ATP9A: variants seen among roughly 807,000 people sequenced by gnomAD.
The protein encoded by ATP9A is probable phospholipid-transporting ATPase IIA.
In ATP9A, 52 loss-of-function variants were observed where a neutral mutation model predicts 144.1. The observed-to-expected ratio is 0.36, with a 90% confidence interval of 0.29 to 0.45. ATP9A has a LOEUF of 0.45. Among genes scored for constraint, ATP9A ranks in the 20% least tolerant of loss-of-function variants. The probability of loss-of-function intolerance (pLI) is 1.00; values close to 1 mark genes in which losing one functional copy is unlikely to be tolerated. For synonymous variants in ATP9A, 582 were observed against 557.4 expected (o/e 1.04, Z -0.62); for missense variants, 947 against 1,392.7 (o/e 0.68, Z 5.09).
chr20:51,694,182 C>A, intron 6 of ATP9A, 80 bp from the exon 7 acceptor site: 2 of 1,144,936 alleles, frequency 1.7e-6, no homozygotes, highest in South Asian at 2.7e-5. Flanking sequence ...CTGCTCTGGT[C>A]CTTGTAAAAA....
At position 51,635,810 on chromosome 20, in the gene ATP9A, A is replaced by G. The variant is rs1165600613; in HGVS notation, c.1668+3533T>C. Among the ~76,000 whole-genome samples the G allele has an allele frequency of 2.0e-4, 22 of 108,570 alleles. 1 individual carries two copies. The highest frequency in any genetic ancestry group is 7.1e-4 in the South Asian group (2 of 2,826). The allele number at this position is 108,570 out of a possible 152,430, so 71.2% of individuals were successfully genotyped here. Reference sequence around the variant, plus strand: ...GAAACAGAGGAGGGGAGGAGGAAGGAAGGAAGGAAGGAAGGGAGGGAGGGA... The same window carrying G: ...GAAACAGAGGAGGGGAGGAGGAAGGGAGGAAGGAAGGAAGGGAGGGAGGGA... On this transcript the variant is annotated intron_variant, in intron 15 of 27. Transcript: ENST00000338821.
chr20:51,766,232 C>T (rs541962261), intron 1 of ATP9A, among the ~76,000 whole-genome samples: 12 of 152,224 alleles, frequency 7.9e-5, no homozygotes, highest in African/African-American at 2.9e-4. Context: ...AAACCCAGGT[C>T]CCACCCTAAA....
At chr20:51,625,170 C>A in intron 18 of ATP9A, 22 bp downstream of exon 18, 1 of 1,597,762 alleles carries the variant, frequency 6.3e-7, no homozygotes. Flanking sequence ...GAGTGCCCTT[C>A]CCTGCGGGCA....
At chr20:51,614,490 G>A (rs1053027738) in intron 22 of ATP9A, among the ~76,000 whole-genome samples, 9 of 151,952 alleles carry the variant, frequency 5.9e-5, no homozygotes, top group Admixed American at 3.9e-4. Context: ...TGGTAGAGAT[G>A]GGGTTTCTCC....
intron 1 of ATP9A, among the ~76,000 whole-genome samples, chr20:51,740,700 C>T (rs1437233677): frequency 6.7e-6 from 1 of 150,118 alleles, no homozygotes; most frequent in Non-Finnish European, 1.5e-5. Flanking sequence ...TCCCACGTGG[C>T]TGGGACTACA....
intron 3 of ATP9A, among the ~76,000 whole-genome samples, chr20:51,722,468 T>C (rs184058106): frequency 2.6e-5 from 4 of 151,866 alleles, no homozygotes; most frequent in African/African-American, 9.7e-5. Flanking sequence ...ACATCCAGAA[T>C]CTACAAAGAA....
At chr20:51,744,566 G>A (rs1412904266) in intron 1 of ATP9A, among the ~76,000 whole-genome samples, 4 of 152,200 alleles carry the variant, frequency 2.6e-5, no homozygotes, top group Non-Finnish European at 5.9e-5. Context: ...GATGTGCAAT[G>A]GTTTCATACA....
chr20:51,690,661 T>C, intron 8 of ATP9A, 78 bp downstream of exon 8: 1 of 1,228,618 alleles, frequency 8.1e-7, no homozygotes. Flanking sequence ...GACAAAGAAC[T>C]GTCAGTACTT....
chr20:51,747,098 G>GTTTTTTTTT (rs11467381), intron 1 of ATP9A, among the ~76,000 whole-genome samples: 3 of 138,686 alleles, frequency 2.2e-5, no homozygotes, highest in Non-Finnish European at 3.1e-5. Context: ...TGGGTTTTTC[G>GTTTTTTTTT]TTTTTTTTTT....
Position 51,639,468 on chromosome 20 carries a change from T to C in ATP9A, c.1543A>G (p.Thr515Ala), listed in dbSNP as rs2077309517. The C allele has an allele frequency of 6.2e-7, 1 of 1,613,052 alleles. No individual in the cohort carries two copies. The highest frequency in any genetic ancestry group is 1.3e-5 in the African/African-American group (1 of 74,810). ...LVQWTESVGL[T>A]LVGRDQSSMQ... Reference sequence around the variant, plus strand: ...GAAGACTGGTCTCGGCCCACCAGGGTTAAGCCCACACTTTCCGTCCACTGT... The same window carrying C: ...GAAGACTGGTCTCGGCCCACCAGGGCTAAGCCCACACTTTCCGTCCACTGT... Residue 515 changes from threonine (T) to alanine (A), a missense_variant, in exon 15 of 28, where the codon ACC becomes GCC. Physicochemically the swap from Thr to Ala is moderately conservative, Grantham distance 58. Coordinates refer to ENST00000338821, the MANE Select transcript of ATP9A (RefSeq NM_006045.3).
At chr20:51,725,006 A>G (rs1412988863) in intron 3 of ATP9A, among the ~76,000 whole-genome samples, 3 of 152,202 alleles carry the variant, frequency 2.0e-5, no homozygotes, top group Non-Finnish European at 4.4e-5. Context: ...TTACCAGTTA[A>G]GCATCTCAAA....
At chr20:51,655,642 C>A (rs542471443) in intron 14 of ATP9A, among the ~76,000 whole-genome samples, 14 of 152,194 alleles carry the variant, frequency 9.2e-5, no homozygotes, top group African/African-American at 3.4e-4. Flanking sequence ...AAGGATTGAC[C>A]GAGATGTGGA....
chr20:51,621,147 CAA>C (rs377707016), intron 19 of ATP9A, among the ~76,000 whole-genome samples: 22 of 102,482 alleles, frequency 2.1e-4, no homozygotes, highest in Admixed American at 3.1e-4. Context: ...GGCCCCATCT[CAA>C]AAAAAAAAAA....
At chr20:51,621,178 C>T (rs944895117) in intron 19 of ATP9A, among the ~76,000 whole-genome samples, 4 of 150,966 alleles carry the variant, frequency 2.6e-5, no homozygotes, top group African/African-American at 9.8e-5. Flanking sequence ...AGATTTAAGC[C>T]ACTCTACGTA....
chr20:51,648,829 C>G (rs1439056991), intron 14 of ATP9A, among the ~76,000 whole-genome samples: 3 of 152,006 alleles, frequency 2.0e-5, no homozygotes, highest in Non-Finnish European at 4.4e-5. Flanking sequence ...AAGATCCTAC[C>G]TCAAAAAAAT....
chr20:51,624,642 AG>A (rs2077240446), intron 18 of ATP9A, among the ~76,000 whole-genome samples: 1 of 152,120 alleles, frequency 6.6e-6, no homozygotes, highest in African/African-American at 2.4e-5. Flanking sequence ...CTTGAGCACC[AG>A]GGAGCCCAGT....
chr20:51,657,786 C>G (rs1025602257), intron 13 of ATP9A, among the ~76,000 whole-genome samples: 3 of 152,222 alleles, frequency 2.0e-5, no homozygotes, highest in Admixed American at 1.3e-4. Context: ...AGCAAGGCGT[C>G]AGGAACAGCC....
Position 51,690,760 on chromosome 20 carries a change from G to C in ATP9A, c.702C>G (p.Asn234Lys). The part of the protein sequence containing the change: ...YAEEPNIDIH[N>K]FVGTFTREDS... The stretch of plus-strand genomic sequence containing the variant: ...TTACTCGGGTAAAAGTTCCCACGAA[G>C]TTGTGAATGTCAATATTTGGCTCTT... The change falls in exon 8 of 28, where the codon AAC (asparagine) becomes AAG (lysine). Residue 234 changes from asparagine to lysine, a missense_variant. Physicochemically the swap from Asn to Lys is moderately conservative, Grantham distance 94. This residue lies in a region of ATP9A where 770 missense variants were observed against 1,047.9 expected (regional missense o/e 0.73). Transcript: ENST00000338821. 6.2e-7 allele frequency: 1 copy of C among 1,614,140 alleles called. No homozygotes were observed. The highest frequency in any genetic ancestry group is 8.5e-7 in the Non-Finnish European group (1 of 1,180,000).
Position 51,690,795 on chromosome 20 carries a change from C to T in ATP9A, c.667G>A (p.Val223Met). ...TCAATATTTGGCTCTTCTGCGTACA[C>T]ATACGATCGAATCTGAAGAAGGTCC... Reference protein sequence around the residue: ...AADLLQIRSYVYAEEPNIDIH... With the variant: ...AADLLQIRSYMYAEEPNIDIH... The change falls in exon 8 of 28, where the codon GTG becomes ATG. Residue 223 changes from valine (V) to methionine (M), a missense_variant. By Grantham distance (21) the Val-to-Met change is conservative (BLOSUM62 1). Coordinates refer to ENST00000338821, the MANE Select transcript of ATP9A (RefSeq NM_006045.3). 1 of 1,614,190 alleles carries T rather than the reference C, an allele frequency of 6.2e-7. No homozygotes were observed. Among genetic ancestry groups the T allele is most frequent in the Non-Finnish European group, 8.5e-7 (1 of 1,180,028 alleles).
Sources: gnomAD v4.1 joint callset for allele counts (sites outside exome capture counted in the v4.1 genomes callset) on GRCh38, gnomAD v4.1.1 for gene constraint, gnomAD v4.1.1 regional missense constraint, MANE v1.5 for transcripts, NCBI Gene and HGNC (gene_info 2026-07-23, HGNC 2026-07-21) for gene names.